TMTC2: variants seen among roughly 807,000 people sequenced by gnomAD.
TMTC2 encodes protein O-mannosyl-transferase TMTC2.
In TMTC2, 43 loss-of-function variants were observed where a neutral mutation model predicts 82.4. The observed-to-expected ratio is 0.52, with a 90% confidence interval of 0.41 to 0.67. TMTC2 has a LOEUF of 0.67. TMTC2 is among the 30% of genes least tolerant of loss of function. The pLI, the probability that TMTC2 is intolerant of heterozygous loss-of-function variation, is 0.00. For missense variants in TMTC2, 919 were observed against 1,012.4 expected (o/e 0.91, Z 1.25); for synonymous variants, 408 against 381.9 (o/e 1.07, Z -0.80).
intron 11 of TMTC2, among the ~76,000 whole-genome samples, chr12:83,119,362 G>A (rs1226742683): frequency 1.3e-5 from 2 of 152,050 alleles, no homozygotes; most frequent in East Asian, 1.9e-4. Context: ...CATTCAGTTC[G>A]AAGAATTTTT....
At chr12:83,072,332 G>A (rs766801250) in intron 11 of TMTC2, among the ~76,000 whole-genome samples, 1 of 152,108 alleles carries the variant, frequency 6.6e-6, no homozygotes, top group Non-Finnish European at 1.5e-5. Flanking sequence ...TTTTGGAGTT[G>A]ATTTCCGGCT....
At chr12:82,967,166 A>G (rs934636780) in intron 7 of TMTC2, among the ~76,000 whole-genome samples, 169 bp downstream of exon 7, 4 of 152,286 alleles carry the variant, frequency 2.6e-5, no homozygotes, top group South Asian at 2.1e-4. Flanking sequence ...TTATTCTGAC[A>G]TGACAAATAA....
At chr12:83,033,618 G>A (rs1377240405) in intron 9 of TMTC2, among the ~76,000 whole-genome samples, 1 of 151,968 alleles carries the variant, frequency 6.6e-6, no homozygotes, top group African/African-American at 2.4e-5. Flanking sequence ...AGGCGTGGTG[G>A]TGCATGCCTG....
At chr12:83,050,258 T>A (rs761588744) in intron 9 of TMTC2, among the ~76,000 whole-genome samples, 66 of 152,302 alleles carry the variant, frequency 4.3e-4, no homozygotes, top group Middle Eastern at 3.4e-3. Context: ...TGTCTGTATA[T>A]TTATGGCATT....
intron 8 of TMTC2, chr12:83,021,866 C>G (rs1055031102): frequency 8.6e-5 from 13 of 151,982 alleles, no homozygotes; most frequent in African/African-American, 3.1e-4. Context: ...CCATGATGTT[C>G]CTTCCTCTTC....
chr12:83,060,833 C>A (rs985343459), intron 10 of TMTC2, among the ~76,000 whole-genome samples: 4 of 151,736 alleles, frequency 2.6e-5, no homozygotes, highest in African/African-American at 9.7e-5. Flanking sequence ...GAACCTAGGT[C>A]TTTTCTGTGA....
intron 1 of TMTC2, among the ~76,000 whole-genome samples, chr12:82,856,001 C>T (rs1871245924): frequency 6.6e-6 from 1 of 152,186 alleles, no homozygotes; most frequent in South Asian, 2.1e-4. Context: ...TGTGTTACTG[C>T]TCTCAACTTG....
intron 8 of TMTC2, among the ~76,000 whole-genome samples, chr12:82,993,552 CAA>C (rs1879489296): frequency 2.6e-5 from 4 of 152,012 alleles, no homozygotes; most frequent in African/African-American, 7.2e-5. Context: ...AAGATATACA[CAA>C]GTCTATTATA....
At chr12:82,795,001 G>T (rs7309393) in intron 1 of TMTC2, among the ~76,000 whole-genome samples, 55,624 of 151,890 alleles carry the variant, frequency 0.37, 10,687 homozygotes, top group Middle Eastern at 0.56. Flanking sequence ...GTGAATCGCT[G>T]GAATCCGAAG....
intron 11 of TMTC2, among the ~76,000 whole-genome samples, chr12:83,090,952 A>C (rs898028439): frequency 2.0e-5 from 3 of 152,208 alleles, no homozygotes; most frequent in African/African-American, 7.2e-5. Context: ...TATAAATTTC[A>C]GTAGCTGAAC....
intron 8 of TMTC2, among the ~76,000 whole-genome samples, chr12:83,022,974 G>C (rs529526443): frequency 6.6e-6 from 1 of 152,106 alleles, no homozygotes; most frequent in Admixed American, 6.5e-5. Flanking sequence ...CATTGAGTTC[G>C]TATGAACAAT....
rs12826082 is a variant in TMTC2 at position 83,078,150 on chromosome 12, A to C, written c.2331+16319A>C. Among the ~76,000 whole-genome samples, 510 of 152,128 alleles carry C rather than the reference A, an allele frequency of 3.4e-3. 3 individuals carry two copies. The highest frequency in any genetic ancestry group is 0.012 in the African/African-American group (479 of 41,516). ...TGATAAGACAAACAAAGGTGATCAG[A>C]TATCGAGGGTGGGGGGATTCTTGCT... On this transcript the variant is annotated intron_variant, in intron 11 of 11. Transcript: ENST00000321196.
At chr12:82,734,622 G>A (rs552809395) in intron 1 of TMTC2, among the ~76,000 whole-genome samples, 66 of 152,260 alleles carry the variant, frequency 4.3e-4, no homozygotes, top group Non-Finnish European at 7.8e-4. Flanking sequence ...GAGATCATAA[G>A]TGTCATCTTA....
chr12:82,860,855 T>C (rs1871505322), intron 2 of TMTC2, among the ~76,000 whole-genome samples: 1 of 152,236 alleles, frequency 6.6e-6, no homozygotes, highest in Non-Finnish European at 1.5e-5. Flanking sequence ...TAAAATCTCA[T>C]GCTTGTGAAG....
At chr12:82,779,096 G>C (rs1877760432) in intron 1 of TMTC2, among the ~76,000 whole-genome samples, 1 of 151,654 alleles carries the variant, frequency 6.6e-6, no homozygotes, top group Non-Finnish European at 1.5e-5. Context: ...GTAGCTCTCT[G>C]GGCAAACAAT....
chr12:82,890,827 T>C (rs986984267), intron 2 of TMTC2, among the ~76,000 whole-genome samples: 2 of 152,058 alleles, frequency 1.3e-5, no homozygotes, highest in African/African-American at 2.4e-5. Context: ...TATAGAAGAG[T>C]GCCTGCAACC....
chr12:82,766,297 C>T (rs112325036), intron 1 of TMTC2, among the ~76,000 whole-genome samples: 3 of 152,164 alleles, frequency 2.0e-5, no homozygotes, highest in Non-Finnish European at 4.4e-5. Context: ...TTATCTGTGA[C>T]TACATTCTTC....
intron 11 of TMTC2, among the ~76,000 whole-genome samples, chr12:83,114,626 A>G (rs1164590822): frequency 6.6e-6 from 1 of 152,166 alleles, no homozygotes; most frequent in African/African-American, 2.4e-5. Flanking sequence ...AATTTCCACA[A>G]TATATAAACT....
Position 82,802,669 on chromosome 12 carries a change from G to A in TMTC2, c.84-54341G>A, listed in dbSNP as rs151098729. 1.7e-3 allele frequency among the ~76,000 whole-genome samples: 260 copies of A among 152,262 alleles called. 2 individuals are homozygous for A. The highest frequency in any genetic ancestry group is 6.0e-3 in the African/African-American group (248 of 41,566). ...TAGGGTAAAGGAGAAAGAATTCCAA[G>A]GAAAAGGCATGAGATATAGAAAAGT... On this transcript the variant is annotated intron_variant, in intron 1 of 11. Transcript: ENST00000321196.
Sources: allele counts gnomAD v4.1 joint callset (sites outside exome capture counted in the v4.1 genomes callset), GRCh38; gene constraint gnomAD v4.1.1; transcripts MANE v1.5; gene names NCBI Gene and HGNC (gene_info 2026-07-23, HGNC 2026-07-21).